The following BCKDHB variants were observed in gnomAD, a reference collection of about 807,000 sequenced individuals.
The protein encoded by BCKDHB is 2-oxoisovalerate dehydrogenase subunit beta, mitochondrial.
A neutral mutation model predicts 48.5 loss-of-function variants in BCKDHB; 41 were observed. The ratio of observed to expected loss-of-function variants is 0.85; its 90% CI spans 0.66 to 1.10. The LOEUF (loss-of-function observed/expected upper bound fraction) is 1.10. BCKDHB is among the 50% of genes least tolerant of loss of function. The pLI is 0.00. For synonymous variants in BCKDHB, 201 were observed against 174.8 expected (o/e 1.15, Z -1.18); for missense variants, 496 against 494.2 (o/e 1.00, Z -0.03).
chr6:80,300,899 T>C (rs905532610), intron 9 of BCKDHB, among the ~76,000 whole-genome samples: 1 of 152,112 alleles, frequency 6.6e-6, no homozygotes, highest in African/African-American at 2.4e-5. Context: ...TGCTCCTGAA[T>C]AACTACACAA....
At chr6:80,355,861 T>A in the BCKDHB span, 5 of 152,206 alleles carry the variant, frequency 3.3e-5, no homozygotes, top group Admixed American at 6.5e-5. Context: ...CTGCCACAGG[T>A]GCCGCCTGCA....
chr6:80,217,849 C>T (rs1335398906), intron 8 of BCKDHB, among the ~76,000 whole-genome samples: 1 of 152,128 alleles, frequency 6.6e-6, no homozygotes, highest in Admixed American at 6.5e-5. Context: ...AGCTTGGTAA[C>T]TAGAGCGAAG....
At chr6:80,448,915 C>T in the BCKDHB span, among the ~76,000 whole-genome samples, 1,858 of 152,270 alleles carry the variant, frequency 0.012, 77 homozygotes, top group East Asian at 0.1. Context: ...CAAACCTGCA[C>T]ATGTACCCCC....
At chr6:80,329,154 A>G (rs553018788) in intron 9 of BCKDHB, among the ~76,000 whole-genome samples, 12 of 152,226 alleles carry the variant, frequency 7.9e-5, no homozygotes, top group Non-Finnish European at 1.6e-4. Context: ...CCAATTACTT[A>G]CAAACTACAG....
At chr6:80,230,026 G>GTTTTTTTTTTTTTT (rs551632775) in intron 8 of BCKDHB, among the ~76,000 whole-genome samples, 5 of 60,660 alleles carry the variant, frequency 8.2e-5, no homozygotes, top group African/African-American at 2.1e-4. Flanking sequence ...TTTTTAGGTT[G>GTTTTTTTTTTTTTT]TTTTTTTTTT....
At chr6:80,140,022 C>T (rs545290116) in intron 3 of BCKDHB, among the ~76,000 whole-genome samples, 11 of 152,308 alleles carry the variant, frequency 7.2e-5, no homozygotes, top group Non-Finnish European at 7.4e-5. Context: ...TCCTTCACTT[C>T]CCTTGTAAGG....
intron 8 of BCKDHB, among the ~76,000 whole-genome samples, chr6:80,233,858 T>C (rs1280101209): frequency 6.6e-6 from 1 of 152,128 alleles, no homozygotes; most frequent in African/African-American, 2.4e-5. Flanking sequence ...AAAATAGTCG[T>C]ATAGAGCAGC....
chr6:80,367,228 A>AT, the BCKDHB span, among the ~76,000 whole-genome samples: 3 of 152,088 alleles, frequency 2.0e-5, no homozygotes, highest in Non-Finnish European at 4.4e-5. Flanking sequence ...TTGTCATGGA[A>AT]TTTTTTTATT....
intron 8 of BCKDHB, among the ~76,000 whole-genome samples, chr6:80,225,047 G>A (rs1203690417): frequency 6.6e-6 from 1 of 152,140 alleles, no homozygotes; most frequent in Admixed American, 6.6e-5. Flanking sequence ...CCTCTTGTAT[G>A]TAACTTGCCT....
chr6:80,363,982 A>G, the BCKDHB span, among the ~76,000 whole-genome samples: 1 of 152,256 alleles, frequency 6.6e-6, no homozygotes, highest in African/African-American at 2.4e-5. Context: ...TATTTACTCC[A>G]TTGATTTGCA....
At chr6:80,163,561 A>G (rs1772428171) in intron 3 of BCKDHB, among the ~76,000 whole-genome samples, 1 of 152,172 alleles carries the variant, frequency 6.6e-6, no homozygotes, top group African/African-American at 2.4e-5. Flanking sequence ...ACATTGGAGT[A>G]TCCAGGCTAC....
the BCKDHB span, among the ~76,000 whole-genome samples, chr6:80,442,579 G>A: frequency 6.6e-6 from 1 of 152,112 alleles, no homozygotes; most frequent in Non-Finnish European, 1.5e-5. Flanking sequence ...TGAAGAATGT[G>A]ACCTGGAGGA....
chr6:80,178,355 G>A (rs1446676091), intron 6 of BCKDHB, among the ~76,000 whole-genome samples: 1 of 152,086 alleles, frequency 6.6e-6, no homozygotes, highest in Non-Finnish European at 1.5e-5. Context: ...TTACTAATAG[G>A]TAATTTTGAC....
At chr6:80,179,234 T>A (rs1582296621) in intron 6 of BCKDHB, among the ~76,000 whole-genome samples, 1 of 152,214 alleles carries the variant, frequency 6.6e-6, no homozygotes, top group East Asian at 1.9e-4. Context: ...AAACTCAATT[T>A]TTGAGTTTCT....
intron 9 of BCKDHB, among the ~76,000 whole-genome samples, chr6:80,343,310 A>C (rs2128020226): frequency 6.6e-6 from 1 of 152,322 alleles, no homozygotes; most frequent in Non-Finnish European, 1.5e-5. Context: ...GAGAAGGTAT[A>C]TATTATTGCC....
intron 6 of BCKDHB, among the ~76,000 whole-genome samples, chr6:80,178,834 A>C (rs936188779): frequency 2.6e-5 from 4 of 152,140 alleles, no homozygotes; most frequent in Admixed American, 1.3e-4. Flanking sequence ...TGAGCGATGG[A>C]TTTAAGTTTT....
At chr6:80,388,389 A>G in the BCKDHB span, among the ~76,000 whole-genome samples, 5 of 152,188 alleles carry the variant, frequency 3.3e-5, no homozygotes, top group African/African-American at 1.2e-4. Context: ...TTATCTGCAG[A>G]TAACTACTCT....
At chr6:80,198,094 G>C (rs761915883) in intron 6 of BCKDHB, among the ~76,000 whole-genome samples, 5 of 152,144 alleles carry the variant, frequency 3.3e-5, no homozygotes, top group Non-Finnish European at 5.9e-5. Flanking sequence ...TTCTGTAAAC[G>C]AACAGATGGT....
intron 8 of BCKDHB, among the ~76,000 whole-genome samples, chr6:80,215,556 T>C (rs887816176): frequency 6.6e-6 from 1 of 152,142 alleles, no homozygotes; most frequent in Non-Finnish European, 1.5e-5. Flanking sequence ...TGTTGAACCA[T>C]CTGAAAAATA....
Sources: allele counts gnomAD v4.1 joint callset (sites outside exome capture counted in the v4.1 genomes callset), GRCh38; gene constraint gnomAD v4.1.1; transcripts MANE v1.5; gene names NCBI Gene and HGNC (gene_info 2026-07-23, HGNC 2026-07-21).